RIMS2: variants seen among roughly 807,000 people sequenced by gnomAD.
RIMS2 encodes regulating synaptic membrane exocytosis 2.
A neutral mutation model predicts 174.4 loss-of-function variants in RIMS2; 59 were observed. The ratio of observed to expected loss-of-function variants is 0.34; its 90% confidence interval spans 0.27 to 0.42. RIMS2 has a LOEUF of 0.42. Ranked by LOEUF, RIMS2 falls within the 10% of genes least tolerant of loss-of-function variation. RIMS2 has a pLI of 1.00. For synonymous variants in RIMS2, 606 were observed against 572.5 expected, an observed-to-expected ratio of 1.06 and a Z score of -0.84; for missense variants, 1,620 against 1,666.3, an observed-to-expected ratio of 0.97 and a Z score of 0.48.
intron 19 of RIMS2, among the ~76,000 whole-genome samples, chr8:104,129,225 A>G (rs1192730957): frequency 7.7e-6 from 1 of 129,538 alleles, no homozygotes; most frequent in African/African-American, 3.5e-5. Flanking sequence ...GTCTCTATTA[A>G]AAAAAAAAAA....
intron 3 of RIMS2, among the ~76,000 whole-genome samples, chr8:103,798,340 T>C (rs756741568): frequency 2.6e-4 from 39 of 152,030 alleles, no homozygotes; most frequent in Non-Finnish European, 4.9e-4. Context: ...ATAGGGAAAT[T>C]TGGGAGAAGT....
chr8:103,918,470 A>C (rs1253051370), exon 9 of RIMS2: 3 of 1,606,912 alleles, frequency 1.9e-6, no homozygotes, highest in South Asian at 1.1e-5. Flanking sequence ...GATAGCACAC[A>C]TGCACAACTG....
intron 1 of RIMS2, among the ~76,000 whole-genome samples, chr8:103,551,816 C>T (rs1405634787): frequency 6.6e-6 from 1 of 152,086 alleles, no homozygotes; most frequent in Non-Finnish European, 1.5e-5. Flanking sequence ...AACAGACAAA[C>T]AGAGAGCCAA....
At chr8:103,606,709 G>T (rs2095108145) in intron 1 of RIMS2, among the ~76,000 whole-genome samples, 2 of 152,050 alleles carry the variant, frequency 1.3e-5, no homozygotes, top group African/African-American at 4.8e-5. Context: ...TATATATTTA[G>T]GATAGTTAGC....
At chr8:104,063,266 A>T (rs1466127533) in intron 19 of RIMS2, among the ~76,000 whole-genome samples, 1 of 152,094 alleles carries the variant, frequency 6.6e-6, no homozygotes, top group Non-Finnish European at 1.5e-5. Flanking sequence ...ATGTTTAATG[A>T]TCATCCCACA....
At chr8:103,592,790 A>G (rs943415683) in intron 1 of RIMS2, among the ~76,000 whole-genome samples, 2 of 151,450 alleles carry the variant, frequency 1.3e-5, no homozygotes, top group African/African-American at 4.8e-5. Context: ...GCAGAAAATA[A>G]AAGTCAAGTT....
intron 3 of RIMS2, chr8:103,768,685 A>G: frequency 1.3e-6 from 1 of 777,862 alleles, no homozygotes; most frequent in South Asian, 1.3e-5. Flanking sequence ...CCTGGGGCCC[A>G]AAAGAGCTAG....
At chr8:103,839,669 C>A (rs920873980) in intron 3 of RIMS2, among the ~76,000 whole-genome samples, 2 of 152,126 alleles carry the variant, frequency 1.3e-5, no homozygotes, top group Admixed American at 6.5e-5. Context: ...TCCAGATAGC[C>A]TGCATATGTA....
At position 104,075,625 on chromosome 8, in the gene RIMS2, T is replaced by C. The variant is rs562689352; in HGVS notation, c.3334+61010T>C. 2.6e-5 allele frequency among the ~76,000 whole-genome samples: 4 copies of C among 152,328 alleles called. No individual in the cohort carries two copies. The East Asian group carries it at 7.7e-4, about 29-fold the overall frequency. ...TTCTATAAACGCTTATTTTACTTTT[T>C]CATATTTTCCTATTATTTTATTTAT... On this transcript the variant is annotated intron_variant, in intron 19 of 23. Transcript: ENST00000504942.
chr8:104,166,813 A>G (rs2098801024), intron 19 of RIMS2, among the ~76,000 whole-genome samples: 1 of 152,046 alleles, frequency 6.6e-6, no homozygotes, highest in Admixed American at 6.6e-5. Context: ...AAAGTCCATT[A>G]TATCATTCTT....
At chr8:104,141,557 C>A (rs932390308) in intron 19 of RIMS2, among the ~76,000 whole-genome samples, 1 of 152,210 alleles carries the variant, frequency 6.6e-6, no homozygotes, top group African/African-American at 2.4e-5. Flanking sequence ...TATGTTCTCA[C>A]AGTCTTAGGA....
At chr8:103,572,221 G>A (rs1468943741) in intron 1 of RIMS2, among the ~76,000 whole-genome samples, 1 of 152,162 alleles carries the variant, frequency 6.6e-6, no homozygotes, top group Non-Finnish European at 1.5e-5. Flanking sequence ...GACCCAGAGT[G>A]AGCAGCAGTA....
exon 1 of RIMS2, chr8:103,500,930 C>T: frequency 6.2e-7 from 1 of 1,607,912 alleles, no homozygotes; most frequent in Non-Finnish European, 8.5e-7. Context: ...GCTCCCATCC[C>T]GGCGGCCTCT....
intron 19 of RIMS2, among the ~76,000 whole-genome samples, chr8:104,124,194 A>G (rs2098409778): frequency 6.6e-6 from 1 of 152,196 alleles, no homozygotes; most frequent in South Asian, 2.1e-4. Context: ...AGAAGCCAAT[A>G]TGGTTCTAGA....
intron 3 of RIMS2, among the ~76,000 whole-genome samples, chr8:103,848,779 C>A (rs2098981669): frequency 6.6e-6 from 1 of 152,006 alleles, no homozygotes; most frequent in African/African-American, 2.4e-5. Flanking sequence ...ACAGGACCCT[C>A]ACTTTACCAT....
chr8:103,604,274 G>C (rs556570557), intron 1 of RIMS2, among the ~76,000 whole-genome samples: 5 of 151,180 alleles, frequency 3.3e-5, no homozygotes, highest in African/African-American at 9.7e-5. Flanking sequence ...CCCATTGCTT[G>C]TTTTTGTCAG....
chr8:104,057,255 A>C (rs543253722), intron 19 of RIMS2, among the ~76,000 whole-genome samples: 6 of 151,834 alleles, frequency 4.0e-5, no homozygotes, highest in African/African-American at 7.2e-5. Flanking sequence ...TTTGTTGAGA[A>C]GAGGTTCTCA....
At chr8:104,002,447 T>C (rs1400580090) in intron 17 of RIMS2, among the ~76,000 whole-genome samples, 1 of 152,146 alleles carries the variant, frequency 6.6e-6, no homozygotes, top group Admixed American at 6.5e-5. Flanking sequence ...ATTATCCAAA[T>C]TTTTACTTAC....
At chr8:103,940,974 T>C (rs1286347194) in intron 13 of RIMS2, among the ~76,000 whole-genome samples, 2 of 152,238 alleles carry the variant, frequency 1.3e-5, no homozygotes, top group East Asian at 3.9e-4. Flanking sequence ...CTGCCTGGGT[T>C]TATATTCCTG....
Sources: gnomAD v4.1 joint callset for allele counts (sites outside exome capture counted in the v4.1 genomes callset) on GRCh38, gnomAD v4.1.1 for gene constraint, MANE v1.5 for transcripts, NCBI Gene and HGNC (gene_info 2026-07-23, HGNC 2026-07-21) for gene names.